MELK: variants seen among roughly 807,000 people sequenced by gnomAD.
MELK encodes pEg3 kinase.
MELK carries 81 observed loss-of-function variants against 85.0 expected under a neutral mutation model. The ratio of observed to expected loss-of-function variants is 0.95; its 90% confidence interval spans 0.80 to 1.15. The LOEUF (loss-of-function observed/expected upper bound fraction) is 1.15. MELK is among the 50% of genes most tolerant of loss of function. MELK has a pLI of 0.00. For synonymous variants in MELK, 252 were observed against 265.0 expected (o/e 0.95, Z 0.48); for missense variants, 754 against 777.5 (o/e 0.97, Z 0.36).
chr9:36,604,268 C>CTTTT (rs10598117), intron 7 of MELK, among the ~76,000 whole-genome samples: 4 of 33,750 alleles, frequency 1.2e-4, no homozygotes, highest in African/African-American at 2.6e-4. Context: ...CGCGCCCGGG[C>CTTTT]TTTTTTTTTT....
intron 11 of MELK, among the ~76,000 whole-genome samples, chr9:36,651,313 A>G (rs942463728): frequency 6.6e-6 from 1 of 152,236 alleles, no homozygotes; most frequent in Non-Finnish European, 1.5e-5. Context: ...CTATTTACAT[A>G]ATCATAATAA....
intron 8 of MELK, among the ~76,000 whole-genome samples, chr9:36,610,016 T>C (rs1228995087): frequency 2.6e-5 from 4 of 152,082 alleles, no homozygotes; most frequent in African/African-American, 9.7e-5. Flanking sequence ...TTTGAGCAGG[T>C]CTTTAAAAGA....
chr9:36,597,348 T>G, intron 6 of MELK, 58 bp downstream of exon 6: 1 of 1,465,338 alleles, frequency 6.8e-7, no homozygotes. Flanking sequence ...TTTCTTAGTG[T>G]GTGATTTTGT....
intron 10 of MELK, among the ~76,000 whole-genome samples, chr9:36,635,313 G>T (rs1421942613): frequency 2.0e-5 from 3 of 151,590 alleles, no homozygotes; most frequent in African/African-American, 7.3e-5. Context: ...GCCCAGACGG[G>T]AGTGCAATGG....
At chr9:36,596,813 T>G (rs1824334271) in intron 5 of MELK, among the ~76,000 whole-genome samples, 1 of 150,032 alleles carries the variant, frequency 6.7e-6, no homozygotes, top group African/African-American at 2.5e-5. Context: ...CTCGAACTCC[T>G]GACCTCAGGT....
Position 36,677,183 on chromosome 9 carries a change from A to T in MELK, c.1802A>T (p.Gln601Leu). 2 of 1,613,912 alleles carry T rather than the reference A, an allele frequency of 1.2e-6. No homozygotes were observed. The highest frequency in any genetic ancestry group is 1.7e-6 in the Non-Finnish European group (2 of 1,179,856). The change falls in exon 18 of 18, where the codon CAG (glutamine) becomes CTG (leucine). Residue 601 changes from glutamine (Q) to leucine (L), a missense_variant. Coordinates refer to ENST00000298048, the MANE Select transcript of MELK (RefSeq NM_014791.4). ...QKGYTLKCQT[Q>L]SDFGKVTMQF... ...AGTTATACACTGAAGTGTCAAACAC[A>T]GTCAGATTTTGGGAAAGTGACAATG...
At position 36,643,254 on chromosome 9, in the gene MELK, G is replaced by A. The variant is rs540392948; in HGVS notation, c.921+171G>A. 5.3e-5 allele frequency among the ~76,000 whole-genome samples: 8 copies of A among 152,224 alleles called. No individual in the cohort carries two copies. In the East Asian group the frequency reaches 1.2e-3, roughly 22 times the overall value. ...AAAAATTAGCCAGGTGTGGTGGCAC[G>A]TGCCTGTAATCCCAGCTACTTGGGA... is the stretch of plus-strand genomic sequence containing the variant. On this transcript the variant is annotated intron_variant, in intron 11 of 17. Coordinates refer to ENST00000298048, the MANE Select transcript of MELK (RefSeq NM_014791.4).
At chr9:36,645,256 C>CAA (rs398046556) in intron 11 of MELK, among the ~76,000 whole-genome samples, 1,646 of 60,672 alleles carry the variant, frequency 0.027, 38 homozygotes, top group Non-Finnish European at 0.032. Flanking sequence ...GACTCCGTCT[C>CAA]AAAAAAAAAA....
At chr9:36,584,155 G>A (rs530292653) in intron 3 of MELK, among the ~76,000 whole-genome samples, 4 of 151,018 alleles carry the variant, frequency 2.6e-5, no homozygotes, top group Non-Finnish European at 5.9e-5. Context: ...ACAGGCGCCC[G>A]CCACTACGCC....
At chr9:36,618,627 C>G (rs188083813) in intron 8 of MELK, among the ~76,000 whole-genome samples, 1 of 152,070 alleles carries the variant, frequency 6.6e-6, no homozygotes, top group Non-Finnish European at 1.5e-5. Context: ...AGCTCCATTA[C>G]TGTTTGCTTG....
intron 9 of MELK, among the ~76,000 whole-genome samples, chr9:36,630,819 A>G (rs1828506519): frequency 6.6e-6 from 1 of 151,834 alleles, no homozygotes; most frequent in Non-Finnish European, 1.5e-5. Flanking sequence ...ATGCCTGGCT[A>G]ATTTTTGTAT....
chr9:36,622,516 G>A (rs1381062670), intron 8 of MELK, among the ~76,000 whole-genome samples: 1 of 152,158 alleles, frequency 6.6e-6, no homozygotes, highest in Non-Finnish European at 1.5e-5. Flanking sequence ...TTTCTAGCAT[G>A]ATTACTAATG....
intron 1 of MELK, among the ~76,000 whole-genome samples, chr9:36,575,332 G>C (rs1821549591): frequency 6.6e-6 from 1 of 152,130 alleles, no homozygotes; most frequent in African/African-American, 2.4e-5. Context: ...CTGTTCTCAA[G>C]GCTTTTCTGT....
intron 3 of MELK, among the ~76,000 whole-genome samples, chr9:36,588,361 C>T (rs1033688328): frequency 2.7e-5 from 4 of 148,234 alleles, no homozygotes; most frequent in South Asian, 2.1e-4. Context: ...TGAGCCACCG[C>T]GCCTGGCCCA....
At position 36,657,296 on chromosome 9, in the gene MELK, G is replaced by A. The variant is rs144405877; in HGVS notation, c.1109G>A (p.Gly370Glu). ...GCAAGTGATAAAAATTATGTGGCGG[G>A]ATTAATAGACTATGATTGGTGTGAA... ...VTASDKNYVA[G>E]LIDYDWCEDD... The change falls in exon 13 of 18, where the codon GGA (glycine) becomes GAA (glutamate). Residue 370 changes from glycine to glutamate, a missense_variant. Coordinates refer to ENST00000298048, the MANE Select transcript of MELK (RefSeq NM_014791.4). 19 of 1,613,606 alleles carry A rather than the reference G, an allele frequency of 1.2e-5. No homozygotes were observed. Among genetic ancestry groups the A allele is most frequent in the African/African-American group, 4.0e-5 (3 of 74,906 alleles).
chr9:36,656,840 C>T (rs1035310611), intron 12 of MELK, among the ~76,000 whole-genome samples: 12 of 152,150 alleles, frequency 7.9e-5, no homozygotes, highest in Non-Finnish European at 1.6e-4. Context: ...CTGGCTCCAA[C>T]GCCTGAGCTT....
At position 36,672,440 on chromosome 9, in the gene MELK, C is replaced by T. The variant is rs148384687; in HGVS notation, c.1674+1274C>T. Among the ~76,000 whole-genome samples the T allele has an allele frequency of 9.4e-3, 1,424 of 152,216 alleles. 24 individuals are homozygous for T. The highest frequency in any genetic ancestry group is 0.03 in the African/African-American group (1,257 of 41,532). On this transcript the variant is annotated intron_variant, in intron 16 of 17. Coordinates refer to ENST00000298048, the MANE Select transcript of MELK (RefSeq NM_014791.4). ...AAGCTAAGCAGTTACCAAATACTAACGGATAATGTTCTAAAAATGGTCAGT... is the reference window on the plus strand; with the variant it reads ...AAGCTAAGCAGTTACCAAATACTAATGGATAATGTTCTAAAAATGGTCAGT...
intron 4 of MELK, among the ~76,000 whole-genome samples, chr9:36,592,132 G>A (rs138704283): frequency 2.0e-5 from 3 of 150,978 alleles, no homozygotes; most frequent in Non-Finnish European, 2.9e-5. Context: ...GATTACAGGC[G>A]TGAGCAACTA....
chr9:36,638,625 G>A lies in MELK; in HGVS notation c.835-4372G>A, dbSNP rs189081674. Among the ~76,000 whole-genome samples, 659 of 152,184 alleles carry A rather than the reference G, an allele frequency of 4.3e-3. 3 individuals are homozygous for A. The highest frequency in any genetic ancestry group is 7.3e-3 in the Admixed American group (111 of 15,274). On this transcript the variant is annotated intron_variant, in intron 10 of 17. Transcript: ENST00000298048. ...TTTAATAATTGCTACTATTTACTGA[G>A]CACGTAGAGTAGAATAGTGTACTAT...
Sources: gnomAD v4.1 joint callset for allele counts (sites outside exome capture counted in the v4.1 genomes callset) on GRCh38, gnomAD v4.1.1 for gene constraint, MANE v1.5 for transcripts, NCBI Gene and HGNC (gene_info 2026-07-23, HGNC 2026-07-21) for gene names.